FBXO31: variants seen among roughly 807,000 people sequenced by gnomAD.
The protein encoded by FBXO31 is F-box protein 31, also known as F-box only protein 31.
A neutral mutation model predicts 54.4 loss-of-function variants in FBXO31; 24 were observed. The observed-to-expected ratio is 0.44, with a 90% CI of 0.32 to 0.62. The LOEUF is 0.62. Among genes scored for constraint, FBXO31 ranks in the 20% least tolerant of loss-of-function variants. The pLI, the probability that FBXO31 is intolerant of heterozygous loss-of-function variation, is 0.05. For synonymous variants in FBXO31, 388 were observed against 335.6 expected (o/e 1.16, Z -1.71); for missense variants, 665 against 787.1 (o/e 0.84, Z 1.86).
Position 87,338,128 on chromosome 16 carries a change from G to A in FBXO31, c.733-1864C>T, listed in dbSNP as rs978600819. On this transcript the variant is annotated intron_variant, in intron 5 of 8. Transcript: ENST00000311635. This position sits in a 1 kb window ranked among gnomAD's most constrained non-coding sequence, Gnocchi z 4.3. ...TAGCCATGACCTCGCTTTACATAAA[G>A]AGGTCCAAGCAACGGGACCACCAAC... is the stretch of plus-strand genomic sequence containing the variant. Among the ~76,000 whole-genome samples the A allele has an allele frequency of 2.6e-5, 4 of 151,916 alleles. No individual in the cohort carries two copies. The highest frequency in any genetic ancestry group is 5.9e-5 in the Non-Finnish European group (4 of 68,008).
chr16:87,378,203 T>A (rs111659524), intron 1 of FBXO31, among the ~76,000 whole-genome samples: 38 of 150,168 alleles, frequency 2.5e-4, no homozygotes, highest in Non-Finnish European at 4.0e-4. Context: ...CCAGATTACA[T>A]AAATAAAATC....
intron 1 of FBXO31, among the ~76,000 whole-genome samples, chr16:87,373,765 C>A (rs953065279): frequency 1.3e-5 from 2 of 152,148 alleles, no homozygotes; most frequent in African/African-American, 4.8e-5. Flanking sequence ...GTTTCAGCCA[C>A]GTTTAACCAA....
rs980795073 is a variant in FBXO31 at position 87,356,462 on chromosome 16, G to A, written c.412+3833C>T. 2.6e-5 allele frequency among the ~76,000 whole-genome samples: 4 copies of A among 151,890 alleles called. No individual in the cohort carries two copies. In the East Asian group the frequency reaches 7.8e-4, roughly 29 times the overall value. ...TCCAGCCCCGTGTTCCCCGTCCACAGACTCCTGAGAGGTCCACAGACTCCT... is the reference window on the plus strand; with the variant it reads ...TCCAGCCCCGTGTTCCCCGTCCACAAACTCCTGAGAGGTCCACAGACTCCT... On this transcript the variant is annotated intron_variant, in intron 2 of 8. Transcript: ENST00000311635.
Position 87,331,118 on chromosome 16 carries a change from T to G in FBXO31, c.*170A>C. On this transcript the variant is annotated 3_prime_UTR_variant, in exon 9 of 9. Transcript: ENST00000311635. Reference sequence around the variant, plus strand: ...CATGGCACTGACAAATATGCAGGTCTATGTCACACTCTCTACATAAAGTGC... The same window carrying G: ...CATGGCACTGACAAATATGCAGGTCGATGTCACACTCTCTACATAAAGTGC... 4.8e-6 allele frequency: 3 copies of G among 619,398 alleles called. No individual in the cohort carries two copies. The highest frequency in any genetic ancestry group is 8.6e-6 in the Non-Finnish European group (3 of 350,068). The allele number at this position is 619,398 out of a possible 1,614,324, so 38.4% of individuals were successfully genotyped here.
chr16:87,337,668 G>GA (rs1202594642), intron 5 of FBXO31, among the ~76,000 whole-genome samples: 1 of 151,626 alleles, frequency 6.6e-6, no homozygotes, highest in Non-Finnish European at 1.5e-5. Context: ...TGCCCCTCAG[G>GA]AAAGGAAGGT....
intron 2 of FBXO31, among the ~76,000 whole-genome samples, chr16:87,351,410 G>C (rs1178590971): frequency 2.6e-5 from 4 of 151,460 alleles, no homozygotes; most frequent in Non-Finnish European, 5.9e-5. Context: ...CTCTGGTGGC[G>C]GGGGAAAGGA....
In FBXO31 at chr16:87,343,712, G is replaced by A. The variant is rs762500727; in HGVS notation, c.543C>T (p.His181=). Residue 181 remains histidine (H), a synonymous_variant, in exon 4 of 9, where the codon CAC becomes CAT. Coordinates refer to ENST00000311635, the MANE Select transcript of FBXO31 (RefSeq NM_024735.5). ...GCTTGAATCTCATAGGGTCATCGAC[G>A]TGGGGGTCATGGGGAGGCAGGTACA... ...GWMYLPPHDP[H]VDDPMRFKPL... 2.8e-5 allele frequency: 46 copies of A among 1,614,264 alleles called. No homozygotes were observed. The highest frequency in any genetic ancestry group is 5.3e-5 in the African/African-American group (4 of 75,068).
intron 2 of FBXO31, among the ~76,000 whole-genome samples, chr16:87,360,042 T>C (rs1906065931): frequency 6.6e-6 from 1 of 152,184 alleles, no homozygotes; most frequent in Non-Finnish European, 1.5e-5. Flanking sequence ...GCAGCCTACA[T>C]TTCTCAGCTC....
intron 3 of FBXO31, among the ~76,000 whole-genome samples, 198 bp from the exon 4 acceptor site, chr16:87,343,963 G>C (rs1158754787): frequency 6.6e-6 from 1 of 152,246 alleles, no homozygotes; most frequent in Admixed American, 6.5e-5. Context: ...ACCAGGAGGA[G>C]GCAGAATAAT....
At chr16:87,343,262 G>T (rs776843503) in intron 4 of FBXO31, among the ~76,000 whole-genome samples, 1 of 152,232 alleles carries the variant, frequency 6.6e-6, no homozygotes, top group Non-Finnish European at 1.5e-5. Flanking sequence ...CTCACCGTGG[G>T]GGCCACTGCC....
chr16:87,380,626 G>A (rs1159560366), intron 1 of FBXO31, among the ~76,000 whole-genome samples: 2 of 152,254 alleles, frequency 1.3e-5, no homozygotes, highest in East Asian at 3.9e-4. Context: ...GGGCTCAAGT[G>A]ATCTGCCAGC....
Position 87,360,305 on chromosome 16 carries a change from G to A in FBXO31, c.402C>T (p.Val134=). ...AATAGATTCACTCACGCTTCGCATAGACGTCCCGACAAGACACGCCTGTGA... is the reference window on the plus strand; with the variant it reads ...AATAGATTCACTCACGCTTCGCATAAACGTCCCGACAAGACACGCCTGTGA... ...LEITGVSCRD[V]YAKLLHRYRH... is the part of the protein sequence containing the mutation. The change falls in exon 2 of 9, where the codon GTC becomes GTT. Residue 134 remains valine, a synonymous_variant. Coordinates refer to ENST00000311635, the MANE Select transcript of FBXO31 (RefSeq NM_024735.5). 2.5e-6 allele frequency: 4 copies of A among 1,614,164 alleles called. No individual in the cohort carries two copies. Among genetic ancestry groups the A allele is most frequent in the Non-Finnish European group, 3.4e-6 (4 of 1,180,000 alleles).
chr16:87,356,791 C>G (rs1220479230), intron 2 of FBXO31, among the ~76,000 whole-genome samples: 4 of 152,190 alleles, frequency 2.6e-5, no homozygotes, highest in Admixed American at 6.5e-5. Flanking sequence ...ACAGACCATG[C>G]TGACCCATGG....
Position 87,346,912 on chromosome 16 carries a change from C to T in FBXO31, c.489+262G>A, listed in dbSNP as rs1309857978. Among the ~76,000 whole-genome samples the T allele has an allele frequency of 6.6e-6, 1 of 152,214 alleles. No individual in the cohort carries two copies. Among genetic ancestry groups the T allele is most frequent in the Non-Finnish European group, 1.5e-5 (1 of 68,046 alleles). ...GCGATGGGCCTCAGCGTCCAGGAAG[C>T]AAAGGCCCTCACAAGCCACCCCCTC... On this transcript the variant is annotated intron_variant, in intron 3 of 8. Coordinates refer to ENST00000311635, the MANE Select transcript of FBXO31 (RefSeq NM_024735.5). This position sits in a 1 kb window ranked among gnomAD's most constrained non-coding sequence, Gnocchi z 4.2.
upstream of FBXO31, among the ~76,000 whole-genome samples, chr16:87,390,730 G>A (rs141189250): frequency 2.1e-3 from 327 of 152,182 alleles, 1 homozygote; most frequent in South Asian, 7.9e-3. Context: ...ATGAGTCGCC[G>A]CACCTGGCGC....
At chr16:87,366,921 T>G (rs577184095) in intron 1 of FBXO31, among the ~76,000 whole-genome samples, 1 of 152,192 alleles carries the variant, frequency 6.6e-6, no homozygotes, top group Non-Finnish European at 1.5e-5. Flanking sequence ...CTCACACTTG[T>G]AATCCCAGCA....
chr16:87,390,796 T>C (rs1408750458), upstream of FBXO31, among the ~76,000 whole-genome samples: 3 of 151,906 alleles, frequency 2.0e-5, no homozygotes, highest in Non-Finnish European at 4.4e-5. Context: ...GGGGTCTTGC[T>C]ATGTTGCCCA....
In FBXO31 at chr16:87,331,580, T is replaced by A. The variant is rs756290795; in HGVS notation, c.1398-70A>T. 1.9e-4 allele frequency: 249 copies of A among 1,293,932 alleles called. 1 individual carries two copies. The highest frequency in any genetic ancestry group is 2.6e-4 in the Non-Finnish European group (245 of 933,628). 80.2% of individuals were successfully genotyped at this position (1,293,932 alleles called of 1,614,324 possible). A position where few individuals can be genotyped will look rare whatever the true frequency, so the allele number is the denominator to read the frequency against. On this transcript the variant is annotated intron_variant, in intron 8 of 8. Transcript: ENST00000311635. ...GTCAAATGCACGCCACGTACAGCAT[T>A]CTGCGACCCCGCTCTGTGCCGCAAG...
chr16:87,335,471 A>G lies in FBXO31; in HGVS notation c.843-14T>C. 6.3e-7 allele frequency: 1 copy of G among 1,599,406 alleles called. No individual in the cohort carries two copies. On this transcript the variant is annotated splice_polypyrimidine_tract_variant and intron_variant, in intron 6 of 8. Transcript: ENST00000311635. The surrounding 1 kb of genome is among the most constrained non-coding windows in gnomAD (Gnocchi z 5.7). ...GTCAGGCAGTTGCTGTGGGGAGCGG[A>G]CGGGTCAGTACAGGAGACCTCGTGG... is the stretch of plus-strand genomic sequence containing the variant.
Sources: gnomAD v4.1 joint callset for allele counts (sites outside exome capture counted in the v4.1 genomes callset) on GRCh38, gnomAD v4.1.1 for gene constraint, Gnocchi (gnomAD v3.1) non-coding constraint, MANE v1.5 for transcripts, NCBI Gene and HGNC (gene_info 2026-07-23, HGNC 2026-07-21) for gene names.